Variants in ENTREP2 observed in about 807,000 individuals in gnomAD.
The protein encoded by ENTREP2 is endosomal transmembrane epsin interactor 2.
chr15:29,337,813 G>A, the ENTREP2 span, among the ~76,000 whole-genome samples: 1 of 152,174 alleles, frequency 6.6e-6, no homozygotes, highest in Non-Finnish European at 1.5e-5. Context: ...CTGAGGCACA[G>A]AGACAGTAGC....
the ENTREP2 span, among the ~76,000 whole-genome samples, chr15:29,539,168 C>T: frequency 6.6e-6 from 1 of 150,872 alleles, no homozygotes; most frequent in African/African-American, 2.4e-5. Flanking sequence ...GGTTGGCAAG[C>T]ACAGTTGAGA....
At chr15:29,316,516 C>T in the ENTREP2 span, among the ~76,000 whole-genome samples, 2 of 152,126 alleles carry the variant, frequency 1.3e-5, no homozygotes, top group African/African-American at 4.8e-5. Flanking sequence ...AAATAAGGGC[C>T]ACCTTCTCTT....
chr15:29,263,723 C>T, the ENTREP2 span, among the ~76,000 whole-genome samples: 1 of 152,114 alleles, frequency 6.6e-6, no homozygotes, highest in African/African-American at 2.4e-5. Context: ...AACTTCATCA[C>T]CTAGAGGGCT....
the ENTREP2 span, among the ~76,000 whole-genome samples, chr15:29,534,443 AC>A: frequency 6.6e-6 from 1 of 152,312 alleles, no homozygotes; most frequent in East Asian, 1.9e-4. Context: ...AGAATATTTA[AC>A]AGGTTTTATT....
the ENTREP2 span, among the ~76,000 whole-genome samples, chr15:29,667,026 CT>C: frequency 6.6e-6 from 1 of 152,132 alleles, no homozygotes; most frequent in Non-Finnish European, 1.5e-5. Context: ...GCCTGTGAAC[CT>C]TCCCTTCTTA....
At chr15:29,305,051 A>G in the ENTREP2 span, among the ~76,000 whole-genome samples, 2 of 152,214 alleles carry the variant, frequency 1.3e-5, no homozygotes, top group Admixed American at 6.5e-5. Context: ...ATATGCCTTC[A>G]TTAGGATGTG....
At chr15:29,371,911 A>AATAGATAGATGATAG in the ENTREP2 span, among the ~76,000 whole-genome samples, 1 of 149,498 alleles carries the variant, frequency 6.7e-6, no homozygotes, top group Non-Finnish European at 1.5e-5. Context: ...AAAATAAATA[A>AATAGATAGATGATAG]ATAGATAGAT....
the ENTREP2 span, among the ~76,000 whole-genome samples, chr15:29,628,154 T>C: frequency 6.6e-6 from 1 of 152,230 alleles, no homozygotes; most frequent in Non-Finnish European, 1.5e-5. Flanking sequence ...TCATTTTCAA[T>C]TTGGGAGGAT....
At chr15:29,221,224 C>T in the ENTREP2 span, among the ~76,000 whole-genome samples, 10 of 149,864 alleles carry the variant, frequency 6.7e-5, no homozygotes, top group African/African-American at 2.5e-4. Flanking sequence ...TTTTTTGAGA[C>T]GGAGTCTAGC....
chr15:29,539,590 G>A, the ENTREP2 span, among the ~76,000 whole-genome samples: 8 of 151,998 alleles, frequency 5.3e-5, no homozygotes, highest in African/African-American at 1.9e-4. Flanking sequence ...AGTCCCACAT[G>A]CCCTGCCCCT....
At chr15:29,577,973 T>C in the ENTREP2 span, among the ~76,000 whole-genome samples, 1 of 152,178 alleles carries the variant, frequency 6.6e-6, no homozygotes, top group African/African-American at 2.4e-5. Flanking sequence ...CAGTTTCAAT[T>C]GCAGAAGATG....
chr15:29,135,186 T>C, the ENTREP2 span, among the ~76,000 whole-genome samples: 11 of 151,784 alleles, frequency 7.2e-5, no homozygotes, highest in East Asian at 2.1e-3. This position sits in a 1 kb window ranked among gnomAD's most constrained non-coding sequence, Gnocchi z 7.4. Flanking sequence ...CACTGCTGTG[T>C]TCCCCAGCCA....
the ENTREP2 span, among the ~76,000 whole-genome samples, chr15:29,398,381 T>C: frequency 2.0e-5 from 3 of 151,954 alleles, no homozygotes; most frequent in African/African-American, 7.3e-5. Flanking sequence ...ATTCAGTAGA[T>C]GCATGGAAGA....
chr15:29,118,738 C>A, the ENTREP2 span, among the ~76,000 whole-genome samples: 2 of 152,230 alleles, frequency 1.3e-5, no homozygotes, highest in Non-Finnish European at 2.9e-5. Context: ...CATCCCAGCA[C>A]CCTGTCTGCA....
the ENTREP2 span, among the ~76,000 whole-genome samples, chr15:29,466,659 G>A: frequency 7.5e-6 from 1 of 133,328 alleles, no homozygotes; most frequent in Admixed American, 7.2e-5. Flanking sequence ...GCCCAGGGGA[G>A]GATGCTGCAG....
At chr15:29,324,499 T>C in the ENTREP2 span, among the ~76,000 whole-genome samples, 2 of 152,132 alleles carry the variant, frequency 1.3e-5, no homozygotes, top group African/African-American at 4.8e-5. Flanking sequence ...AAAAGCCAAC[T>C]ATATGTAGTC....
At chr15:29,333,116 G>A in the ENTREP2 span, among the ~76,000 whole-genome samples, 1 of 152,156 alleles carries the variant, frequency 6.6e-6, no homozygotes, top group African/African-American at 2.4e-5. Context: ...TAAGAAAGCA[G>A]CTAGAGCCTG....
At chr15:29,505,824 G>A in the ENTREP2 span, among the ~76,000 whole-genome samples, 3 of 152,132 alleles carry the variant, frequency 2.0e-5, no homozygotes, top group Non-Finnish European at 4.4e-5. This position sits in a 1 kb window ranked among gnomAD's most constrained non-coding sequence, Gnocchi z 4.3. Context: ...AAAAAAGGCT[G>A]AAAATTCCAA....
chr15:29,480,647 G>A, the ENTREP2 span, among the ~76,000 whole-genome samples: 8 of 152,290 alleles, frequency 5.3e-5, no homozygotes, highest in African/African-American at 1.9e-4. Context: ...CAGAGAGGAG[G>A]AACGTCTAGG....
Sources: allele counts gnomAD v4.1 joint callset (sites outside exome capture counted in the v4.1 genomes callset), GRCh38; gene constraint gnomAD v4.1.1; non-coding constraint Gnocchi (gnomAD v3.1); transcripts MANE v1.5; gene names NCBI Gene and HGNC (gene_info 2026-07-23, HGNC 2026-07-21).